The following RAB3IP variants were observed in gnomAD, a reference collection of about 807,000 sequenced individuals.
RAB3IP encodes the protein rab-3A-interacting protein.
A neutral mutation model predicts 59.1 loss-of-function variants in RAB3IP; 36 were observed. The ratio of observed to expected loss-of-function variants is 0.61; its 90% confidence interval spans 0.47 to 0.80. The LOEUF (loss-of-function observed/expected upper bound fraction) is 0.80, where lower values mean the gene tolerates loss of function less well. Among genes scored for constraint, RAB3IP ranks in the 30% least tolerant of loss-of-function variants. The probability of loss-of-function intolerance (pLI) is 0.00; values close to 1 mark genes in which losing one functional copy is unlikely to be tolerated. For missense variants in RAB3IP, 511 were observed against 536.0 expected (o/e 0.95, Z 0.46); for synonymous variants, 207 against 191.2 (o/e 1.08, Z -0.68).
intron 1 of RAB3IP, chr12:69,739,950 T>TCC: frequency 7.2e-7 from 1 of 1,387,108 alleles, no homozygotes; most frequent in Non-Finnish European, 1.0e-6. Flanking sequence ...AAATGTTGCC[T>TCC]GTTCGGAGGC....
chr12:69,758,643 A>G (rs904144126), intron 3 of RAB3IP, among the ~76,000 whole-genome samples: 85 of 151,142 alleles, frequency 5.6e-4, no homozygotes, highest in African/African-American at 1.9e-3. Flanking sequence ...ACAAAACACT[A>G]TTGTTTTGCA....
intron 8 of RAB3IP, among the ~76,000 whole-genome samples, chr12:69,803,992 A>G (rs1878824942): frequency 1.3e-5 from 2 of 152,158 alleles, no homozygotes; most frequent in Admixed American, 1.3e-4. Flanking sequence ...AGCATGATTT[A>G]TAGTCCTTTG....
Position 69,820,719 on chromosome 12 carries a change from G to C in RAB3IP, c.*5273G>C, listed in dbSNP as rs1881629177. The C allele has an allele frequency of 6.6e-6, 1 of 152,038 alleles. No individual in the cohort carries two copies. Among genetic ancestry groups the C allele is most frequent in the South Asian group, 2.1e-4 (1 of 4,814 alleles). The allele number at this position is 152,038 out of a possible 1,614,324, so 9.4% of individuals were successfully genotyped here. A position where few individuals can be genotyped will look rare whatever the true frequency, so the allele number is the denominator to read the frequency against. ...ACTAAAAACACAAAATTAGTCAGGT[G>C]TGATGGCGCATGCCTGTAATCCCAG... On this transcript the variant is annotated 3_prime_UTR_variant, in exon 11 of 11. Transcript: ENST00000247833.
At chr12:69,803,767 C>A (rs890120788) in intron 8 of RAB3IP, among the ~76,000 whole-genome samples, 1 of 151,918 alleles carries the variant, frequency 6.6e-6, no homozygotes, top group Non-Finnish European at 1.5e-5. Flanking sequence ...TTTGTCCTTG[C>A]GATAGTTTGC....
rs146374839 is a variant in RAB3IP at position 69,800,870 on chromosome 12, G to A, written c.1017+533G>A. The stretch of plus-strand genomic sequence containing the variant: ...TTTTAATTTGTTCTTACATGTGAAA[G>A]GTTTGTCTACAAATATCCGGTCAAT... On this transcript the variant is annotated intron_variant, in intron 7 of 10. Transcript: ENST00000247833. Among the ~76,000 whole-genome samples, 6 of 152,230 alleles carry A rather than the reference G, an allele frequency of 3.9e-5. No individual in the cohort carries two copies. In the East Asian group the frequency reaches 1.2e-3, roughly 29 times the overall value.
intron 3 of RAB3IP, among the ~76,000 whole-genome samples, chr12:69,759,901 C>T (rs1212053187): frequency 1.3e-4 from 20 of 151,376 alleles, no homozygotes; most frequent in East Asian, 9.9e-4. Flanking sequence ...GACGGGGTCG[C>T]GGCTGGACAG....
At chr12:69,780,655 T>A (rs948970352) in intron 3 of RAB3IP, among the ~76,000 whole-genome samples, 3 of 152,224 alleles carry the variant, frequency 2.0e-5, no homozygotes, top group African/African-American at 7.2e-5. Context: ...TTCTGGGTCC[T>A]TGTGCAAGCA....
intron 3 of RAB3IP, among the ~76,000 whole-genome samples, chr12:69,782,193 C>G (rs1874841760): frequency 1.3e-5 from 2 of 152,136 alleles, no homozygotes; most frequent in Admixed American, 6.6e-5. Context: ...GAGATCGAGT[C>G]TCGCTCTATC....
chr12:69,795,084 G>A (rs2136230517), intron 5 of RAB3IP, 57 bp from the exon 6 acceptor site: 4 of 1,258,414 alleles, frequency 3.2e-6, no homozygotes, highest in Non-Finnish European at 4.5e-6. Context: ...CTAATATTTA[G>A]CTGCATATGT....
chr12:69,785,613 C>T (rs1265173473), intron 4 of RAB3IP, among the ~76,000 whole-genome samples: 5 of 152,152 alleles, frequency 3.3e-5, no homozygotes, highest in African/African-American at 1.2e-4. Flanking sequence ...CTTGAGGGAG[C>T]GGCACCCTTT....
chr12:69,805,842 G>A (rs1344107050), intron 8 of RAB3IP, among the ~76,000 whole-genome samples: 1 of 152,206 alleles, frequency 6.6e-6, no homozygotes, highest in Non-Finnish European at 1.5e-5. Flanking sequence ...TCCCAGGGAT[G>A]AAGCCCACTT....
intron 10 of RAB3IP, 42 bp from the exon 11 acceptor site, chr12:69,815,322 G>A: frequency 1.5e-6 from 2 of 1,321,192 alleles, no homozygotes; most frequent in Non-Finnish European, 1.1e-6. Context: ...TAATGAAGAT[G>A]GTATTTTATG....
At chr12:69,767,785 G>T (rs1421721286) in intron 3 of RAB3IP, among the ~76,000 whole-genome samples, 2 of 152,202 alleles carry the variant, frequency 1.3e-5, no homozygotes, top group African/African-American at 4.8e-5. Flanking sequence ...GCATGTGACA[G>T]AACCTGCCTG....
chr12:69,795,546 T>A (rs866098664), intron 6 of RAB3IP: 25 of 596,024 alleles, frequency 4.2e-5, no homozygotes, highest in South Asian at 6.4e-5. Context: ...GAGTACCTGC[T>A]GGAAACTTGG....
intron 4 of RAB3IP, among the ~76,000 whole-genome samples, chr12:69,785,684 C>G (rs1875525272): frequency 6.6e-6 from 1 of 152,202 alleles, no homozygotes; most frequent in Non-Finnish European, 1.5e-5. Context: ...AGAGGGCAGT[C>G]TACTTTACTC....
At chr12:69,745,627 G>C (rs1033585608) in intron 1 of RAB3IP, among the ~76,000 whole-genome samples, 4 of 152,184 alleles carry the variant, frequency 2.6e-5, no homozygotes, top group African/African-American at 9.6e-5. Context: ...GAAGGGTTCA[G>C]AGATTAAACA....
At chr12:69,792,167 G>A (rs190114539) in intron 4 of RAB3IP, among the ~76,000 whole-genome samples, 2 of 152,156 alleles carry the variant, frequency 1.3e-5, no homozygotes, top group African/African-American at 4.8e-5. Context: ...TGGGAGAAAC[G>A]GGAGATGTCG....
At chr12:69,769,661 T>C (rs1248174157) in intron 3 of RAB3IP, among the ~76,000 whole-genome samples, 4 of 152,234 alleles carry the variant, frequency 2.6e-5, no homozygotes, top group Non-Finnish European at 5.9e-5. Flanking sequence ...GAAACAAATA[T>C]TTATTGAATA....
At chr12:69,790,864 G>A (rs1395119305) in intron 4 of RAB3IP, among the ~76,000 whole-genome samples, 2 of 152,158 alleles carry the variant, frequency 1.3e-5, no homozygotes, top group East Asian at 1.9e-4. Context: ...GATTACAGGC[G>A]TGAGCCACTA....
Sources: gnomAD v4.1 joint callset for allele counts (sites outside exome capture counted in the v4.1 genomes callset) on GRCh38, gnomAD v4.1.1 for gene constraint, MANE v1.5 for transcripts, NCBI Gene and HGNC (gene_info 2026-07-23, HGNC 2026-07-21) for gene names.